Variants in PTPRD observed in about 807,000 individuals in gnomAD.
PTPRD encodes the protein receptor-type tyrosine-protein phosphatase delta.
In PTPRD, 34 loss-of-function variants were observed where a neutral mutation model predicts 214.5. That is an observed-to-expected ratio of 0.16 (90% CI 0.12 to 0.21). PTPRD has a LOEUF of 0.21. Ranked by LOEUF, PTPRD falls within the 10% of genes least tolerant of loss-of-function variation. PTPRD has a pLI of 1.00. For missense variants in PTPRD, 2,545 were observed against 2,398.7 expected (o/e 1.06, Z -1.27); for synonymous variants, 1,128 against 845.7 (o/e 1.33, Z -5.79).
Position 8,668,412 on chromosome 9 carries a change from CA to C in PTPRD, c.65-31569del, listed in dbSNP as rs138286158. On this transcript the variant is annotated intron_variant, in intron 12 of 45. Transcript: ENST00000381196. The stretch of plus-strand genomic sequence containing the variant: ...TTACATGCAGATAGATACATGGAGA[CA>C]CATATGTTCACCACAGTTTTCCATG... 3.3e-3 allele frequency among the ~76,000 whole-genome samples: 507 copies of C among 152,288 alleles called. 1 individual carries two copies. The highest frequency in any genetic ancestry group is 5.9e-3 in the Non-Finnish European group (398 of 68,018).
At chr9:9,479,903 T>C (rs1047280426) in intron 8 of PTPRD, among the ~76,000 whole-genome samples, 10 of 152,154 alleles carry the variant, frequency 6.6e-5, no homozygotes, top group Non-Finnish European at 1.5e-4. Flanking sequence ...TACTGAATGG[T>C]TATTTGGTAT....
At position 10,239,713 on chromosome 9, in the gene PTPRD, G is replaced by C. The variant is rs530519635; in HGVS notation, c.-545+101250C>G. Among the ~76,000 whole-genome samples, 3 of 148,444 alleles carry C rather than the reference G, an allele frequency of 2.0e-5. No homozygotes were observed. In the East Asian group the frequency reaches 6.0e-4, roughly 30 times the overall value. On this transcript the variant is annotated intron_variant, in intron 3 of 45. Coordinates refer to ENST00000381196, the MANE Select transcript of PTPRD (RefSeq NM_002839.4). Reference sequence around the variant, plus strand: ...ATAACTACTGAATCCAGAAAAAAATGACAATAATGATAATGTTATGAATAT... The same window carrying C: ...ATAACTACTGAATCCAGAAAAAAATCACAATAATGATAATGTTATGAATAT...
chr9:9,906,566 G>T (rs2153818607), intron 5 of PTPRD, among the ~76,000 whole-genome samples: 1 of 152,036 alleles, frequency 6.6e-6, no homozygotes, highest in East Asian at 1.9e-4. Context: ...GTTGAAGACA[G>T]ACATTCCTAT....
chr9:9,613,304 C>T (rs149745422), intron 7 of PTPRD, among the ~76,000 whole-genome samples: 84 of 151,704 alleles, frequency 5.5e-4, no homozygotes, highest in African/African-American at 1.4e-3. Flanking sequence ...ATCTAAAAAA[C>T]GTCATTCAAT....
chr9:9,394,880 C>T (rs931254911), intron 9 of PTPRD, among the ~76,000 whole-genome samples: 3 of 152,022 alleles, frequency 2.0e-5, no homozygotes, highest in Admixed American at 1.3e-4. Flanking sequence ...CTTCCATGCT[C>T]TATATTTGTA....
intron 2 of PTPRD, among the ~76,000 whole-genome samples, chr9:10,485,437 A>T (rs2099126372): frequency 1.3e-5 from 2 of 152,098 alleles, no homozygotes; most frequent in Admixed American, 1.3e-4. Flanking sequence ...TTGAATCTGC[A>T]GATTACTATG....
intron 11 of PTPRD, among the ~76,000 whole-genome samples, chr9:8,987,368 G>A (rs916039072): frequency 6.6e-6 from 1 of 152,010 alleles, no homozygotes; most frequent in African/African-American, 2.4e-5. Context: ...TTTCCAGCAG[G>A]AGCATGCGTT....
intron 2 of PTPRD, among the ~76,000 whole-genome samples, chr9:10,608,026 C>G (rs2079936910): frequency 6.6e-6 from 1 of 151,920 alleles, no homozygotes; most frequent in Admixed American, 6.6e-5. Flanking sequence ...ACTTTGATAT[C>G]TTTTATTTTT....
intron 27 of PTPRD, among the ~76,000 whole-genome samples, 169 bp downstream of exon 27, chr9:8,492,693 T>C (rs1396531368): frequency 9.2e-5 from 13 of 140,952 alleles, no homozygotes; most frequent in Non-Finnish European, 1.8e-4. Flanking sequence ...ACTATTTTTT[T>C]CCCTGATCTA....
At chr9:9,479,983 ACTTAATTT>A (rs2095333000) in intron 8 of PTPRD, among the ~76,000 whole-genome samples, 1 of 152,188 alleles carries the variant, frequency 6.6e-6, no homozygotes, top group Admixed American at 6.6e-5. Flanking sequence ...ACTGCTACAT[ACTTAATTT>A]CTTCTCTTTT....
At chr9:8,599,557 G>C (rs2094688919) in intron 14 of PTPRD, among the ~76,000 whole-genome samples, 1 of 151,368 alleles carries the variant, frequency 6.6e-6, no homozygotes, top group African/African-American at 2.4e-5. Flanking sequence ...AAACAAAAGG[G>C]GGAACGCAAG....
intron 35 of PTPRD, among the ~76,000 whole-genome samples, chr9:8,429,822 C>T (rs1329433859): frequency 6.6e-6 from 1 of 152,184 alleles, no homozygotes; most frequent in Non-Finnish European, 1.5e-5. Flanking sequence ...AGGCCTTCTT[C>T]AGGGAACACT....
chr9:9,434,326 C>A (rs1278976322), intron 8 of PTPRD, among the ~76,000 whole-genome samples: 1 of 152,052 alleles, frequency 6.6e-6, no homozygotes, highest in Admixed American at 6.6e-5. Flanking sequence ...AGTATCTCTA[C>A]ACTGAAAACT....
At chr9:10,298,944 C>T (rs184424432) in intron 3 of PTPRD, among the ~76,000 whole-genome samples, 50 of 152,118 alleles carry the variant, frequency 3.3e-4, no homozygotes, top group Non-Finnish European at 6.3e-4. Context: ...TACCTAGAAA[C>T]TTTCTCAATG....
At chr9:10,483,590 C>A (rs929466913) in intron 2 of PTPRD, among the ~76,000 whole-genome samples, 3 of 151,778 alleles carry the variant, frequency 2.0e-5, no homozygotes, top group African/African-American at 7.3e-5. Context: ...AATCAAATAA[C>A]CCCATGAAAA....
At chr9:8,325,452 T>A (rs911703842) in intron 44 of PTPRD, among the ~76,000 whole-genome samples, 11 of 149,158 alleles carry the variant, frequency 7.4e-5, no homozygotes, top group Admixed American at 1.4e-4. Flanking sequence ...TTGGTCTATA[T>A]CTCTGTTTTG....
chr9:9,588,914 A>C (rs1464580269), intron 7 of PTPRD, among the ~76,000 whole-genome samples: 1 of 151,964 alleles, frequency 6.6e-6, no homozygotes, highest in Non-Finnish European at 1.5e-5. Flanking sequence ...CATTTGGAGA[A>C]ACTGTGACTT....
chr9:10,385,890 G>C (rs1282452267), intron 2 of PTPRD, among the ~76,000 whole-genome samples: 1 of 151,690 alleles, frequency 6.6e-6, no homozygotes, highest in Non-Finnish European at 1.5e-5. Flanking sequence ...ATGATTATAA[G>C]AGATAATTAT....
chr9:9,594,673 CT>C (rs1563930606), intron 7 of PTPRD, among the ~76,000 whole-genome samples: 1 of 151,976 alleles, frequency 6.6e-6, no homozygotes, highest in Non-Finnish European at 1.5e-5. Flanking sequence ...TGACTATGGC[CT>C]TATAGTATAG....
Sources: allele counts gnomAD v4.1 joint callset (sites outside exome capture counted in the v4.1 genomes callset), GRCh38; gene constraint gnomAD v4.1.1; transcripts MANE v1.5; gene names NCBI Gene and HGNC (gene_info 2026-07-23, HGNC 2026-07-21).